The following JAML variants were observed in gnomAD, a reference collection of about 807,000 sequenced individuals.
The protein encoded by JAML is junction adhesion molecule like, also known as junctional adhesion molecule-like.
Under a neutral mutation model 39.3 loss-of-function variants are expected in JAML, and 25 were observed. The observed-to-expected ratio is 0.64, with a 90% CI of 0.46 to 0.89. The LOEUF (loss-of-function observed/expected upper bound fraction) is 0.89. Ranked by LOEUF, JAML falls within the 40% of genes least tolerant of loss-of-function variation. The probability of loss-of-function intolerance (pLI) is 0.00; values close to 1 mark genes in which losing one functional copy is unlikely to be tolerated. For synonymous variants in JAML, 162 were observed against 179.2 expected (o/e 0.90, Z 0.77); for missense variants, 440 against 486.9 (o/e 0.90, Z 0.91).
intron 4 of JAML, among the ~76,000 whole-genome samples, chr11:118,207,995 C>T (rs1392684397): frequency 6.6e-6 from 1 of 152,156 alleles, no homozygotes; most frequent in East Asian, 1.9e-4. Flanking sequence ...TTTGGAGAGG[C>T]TGAGACAGGA....
At position 118,205,110 on chromosome 11, in the gene JAML, C is replaced by T. The variant is rs191976691; in HGVS notation, c.534+772G>A. On this transcript the variant is annotated intron_variant, in intron 5 of 9. Transcript: ENST00000356289. ...TTCCCCATACTCCATCATGATGTCACCCACTGTGACCCACTCAGATAGCAT... is the reference window on the plus strand; with the variant it reads ...TTCCCCATACTCCATCATGATGTCATCCACTGTGACCCACTCAGATAGCAT... The T allele has an allele frequency of 1.8e-3, 277 of 152,310 alleles. 1 individual carries two copies. Among genetic ancestry groups the T allele is most frequent in the African/African-American group, 6.4e-3 (265 of 41,558 alleles). The allele number at this position is 152,310 out of a possible 1,614,324, so 9.4% of individuals were successfully genotyped here.
rs377613296 is a variant in JAML, at chr11:118,203,897, G to A, written c.535-232C>T. On this transcript the variant is annotated intron_variant, in intron 5 of 9. Transcript: ENST00000356289. ...AACAGTTTTTCCATCTGAATGGAGGGATAAGAAAAGGAGGACTTTCATTTT... is the reference window on the plus strand; with the variant it reads ...AACAGTTTTTCCATCTGAATGGAGGAATAAGAAAAGGAGGACTTTCATTTT... 44 of 485,400 alleles carry A rather than the reference G, an allele frequency of 9.1e-5. 1 individual carries two copies. The East Asian group carries it at 1.1e-3, about 12-fold the overall frequency. 30.1% of individuals were successfully genotyped at this position (485,400 alleles called of 1,614,324 possible).
In JAML at chr11:118,203,430, C is replaced by G; in HGVS notation, c.770G>C (p.Arg257Pro). The G allele has an allele frequency of 1.2e-6, 2 of 1,613,648 alleles. No individual in the cohort carries two copies. Among genetic ancestry groups the G allele is most frequent in the Non-Finnish European group, 1.7e-6 (2 of 1,179,632 alleles). The stretch of plus-strand genomic sequence containing the variant: ...CTCCCCAGCCAAATGTTAGATACTT[C>G]GAGGCTCTTCCGGGCTGACATGCAG... ...IVLHVSPEEP[R>P]TLVTPAALRP... Residue 257 changes from arginine to proline, a missense_variant and splice_region_variant, in exon 6 of 10, where the codon CGA (arginine) becomes CCA (proline). Transcript: ENST00000356289.
Position 118,203,511 on chromosome 11 carries a change from C to A in JAML, c.689G>T (p.Gly230Val). The change falls in exon 6 of 10, where the codon GGA becomes GTA. Residue 230 changes from glycine to valine, a missense_variant. Physicochemically the swap from Gly to Val is moderately radical, Grantham distance 109 (BLOSUM62 -3). Transcript: ENST00000356289. The stretch of plus-strand genomic sequence containing the variant: ...TAGGTGGATACTGCAGGTGTAGTTT[C>A]CTCCATCTGACTCCCTCACTCCTTG... ...MLQGVRESDGGNYTCSIHLGN... is the reference protein window; with the variant it reads ...MLQGVRESDGVNYTCSIHLGN... 1 of 1,614,148 alleles carries A rather than the reference C, an allele frequency of 6.2e-7. No individual in the cohort carries two copies. Among genetic ancestry groups the A allele is most frequent in the Non-Finnish European group, 8.5e-7 (1 of 1,180,024 alleles).
chr11:118,220,411 C>A (rs930523670), intron 1 of JAML, among the ~76,000 whole-genome samples: 1 of 152,194 alleles, frequency 6.6e-6, no homozygotes, highest in African/African-American at 2.4e-5. Context: ...CGGACATTAG[C>A]CCCCAGAGGT....
intron 5 of JAML, 167 bp from the exon 6 acceptor site, chr11:118,203,832 T>C (rs1948864818): frequency 3.2e-6 from 2 of 619,520 alleles, no homozygotes; most frequent in Non-Finnish European, 5.8e-6. Flanking sequence ...CACACACATG[T>C]GCATGCGTGT....
At chr11:118,200,428 T>C in intron 7 of JAML, 46 bp downstream of exon 7, 1 of 1,608,818 alleles carries the variant, frequency 6.2e-7, no homozygotes, top group South Asian at 1.1e-5. Context: ...AGAGGCAGCC[T>C]TGCACCCCCA....
chr11:118,204,816 A>T (rs1948883695), intron 5 of JAML: 2 of 152,222 alleles, frequency 1.3e-5, no homozygotes, highest in South Asian at 4.1e-4. Flanking sequence ...TTCTTCATAT[A>T]GCAGATTCTT....
chr11:118,218,807 TA>T (rs112929836), intron 1 of JAML, among the ~76,000 whole-genome samples: 13,751 of 152,104 alleles, frequency 0.09, 2,085 homozygotes, highest in African/African-American at 0.31. Flanking sequence ...ATTTCAGTTT[TA>T]AAAAAAATCC....
At chr11:118,212,253 C>T (rs528540074) in intron 3 of JAML, among the ~76,000 whole-genome samples, 154 bp downstream of exon 3, 2 of 152,186 alleles carry the variant, frequency 1.3e-5, no homozygotes, top group African/African-American at 2.4e-5. Flanking sequence ...TAACCAAATT[C>T]CTGAGCTAGG....
At chr11:118,217,213 T>C (rs1347256813) in intron 1 of JAML, among the ~76,000 whole-genome samples, 1 of 152,230 alleles carries the variant, frequency 6.6e-6, no homozygotes, top group African/African-American at 2.4e-5. Context: ...TGGCATATAC[T>C]GGATAAATGC....
intron 9 of JAML, 56 bp from the exon 10 acceptor site, chr11:118,194,473 T>C: frequency 7.1e-7 from 1 of 1,411,226 alleles, no homozygotes; most frequent in Non-Finnish European, 1.0e-6. Flanking sequence ...AGTTCCATAA[T>C]CATAGCAGCT....
rs1404068140 is a variant in JAML, at chr11:118,194,267, G to A, written c.*58C>T. Reference sequence around the variant, plus strand: ...CTGAAATCACTGGTAGAGTGGCCCAGGACACACACAGGAGAGAGTCTCCAC... The same window carrying A: ...CTGAAATCACTGGTAGAGTGGCCCAAGACACACACAGGAGAGAGTCTCCAC... On this transcript the variant is annotated 3_prime_UTR_variant, in exon 10 of 10. Transcript: ENST00000356289. 3.4e-6 allele frequency: 5 copies of A among 1,461,558 alleles called. No individual in the cohort carries two copies. The highest frequency in any genetic ancestry group is 4.8e-6 in the Non-Finnish European group (5 of 1,042,118). 90.5% of individuals were successfully genotyped at this position (1,461,558 alleles called of 1,614,324 possible). A position where few individuals can be genotyped will look rare whatever the true frequency, so the allele number is the denominator to read the frequency against.
At chr11:118,207,995 C>G (rs1392684397) in intron 4 of JAML, among the ~76,000 whole-genome samples, 1 of 152,156 alleles carries the variant, frequency 6.6e-6, no homozygotes, top group Non-Finnish European at 1.5e-5. Flanking sequence ...TTTGGAGAGG[C>G]TGAGACAGGA....
chr11:118,216,352 G>C (rs181368766), intron 1 of JAML, among the ~76,000 whole-genome samples: 323 of 147,192 alleles, frequency 2.2e-3, no homozygotes, highest in Middle Eastern at 3.5e-3. Flanking sequence ...CTGGGCGACA[G>C]AGCGAGACTC....
rs1316080879 is a variant in JAML at position 118,205,956 on chromosome 11, C to G, written c.460G>C (p.Gly154Arg). 6.2e-7 allele frequency: 1 copy of G among 1,614,082 alleles called. No homozygotes were observed. The highest frequency in any genetic ancestry group is 1.1e-5 in the South Asian group (1 of 91,078). Reference protein sequence around the residue: ...MVHVGGLIQMGCVFQSTEVKH... With the variant: ...MVHVGGLIQMRCVFQSTEVKH... ...ACTTCTGTGCTCTGGAAAACACATCCCATCTGAATCAATCCACCCACATGG... is the reference window on the plus strand; with the variant it reads ...ACTTCTGTGCTCTGGAAAACACATCGCATCTGAATCAATCCACCCACATGG... The change falls in exon 5 of 10, where the codon GGA becomes CGA. Residue 154 changes from glycine to arginine, a missense_variant. Transcript: ENST00000356289.
intron 1 of JAML, among the ~76,000 whole-genome samples, chr11:118,221,623 C>T (rs968047957): frequency 6.6e-6 from 1 of 152,186 alleles, no homozygotes; most frequent in Non-Finnish European, 1.5e-5. Flanking sequence ...CTGAGCGGTT[C>T]GGTTCCCAAC....
In JAML at chr11:118,196,755, C is replaced by G. The variant is rs777112471; in HGVS notation, c.1072G>C (p.Glu358Gln). 3 of 1,612,394 alleles carry G rather than the reference C, an allele frequency of 1.9e-6. No homozygotes were observed. The highest frequency in any genetic ancestry group is 2.5e-6 in the Non-Finnish European group (3 of 1,178,536). Residue 358 changes from glutamate to glutamine, a missense_variant, in exon 9 of 10, where the codon GAG becomes CAG. By Grantham distance (29) the Glu-to-Gln change is conservative (BLOSUM62 2). Coordinates refer to ENST00000356289, the MANE Select transcript of JAML (RefSeq NM_001098526.2). Reference protein sequence around the residue: ...IEEEEPSEKSEATYMTMHPVW... With the variant: ...IEEEEPSEKSQATYMTMHPVW... ...CTCACCATGGTCATGTAGGTGGCCT[C>G]TGATTTTTCACTTGGTTCTTCTTCC...
chr11:118,207,981 GCAATTT>G (rs1948953296), intron 4 of JAML, among the ~76,000 whole-genome samples: 1 of 152,192 alleles, frequency 6.6e-6, no homozygotes. Context: ...TGTAATACCA[GCAATTT>G]GGAGAGGCTG....
Sources: gnomAD v4.1 joint callset for allele counts (sites outside exome capture counted in the v4.1 genomes callset) on GRCh38, gnomAD v4.1.1 for gene constraint, MANE v1.5 for transcripts, NCBI Gene and HGNC (gene_info 2026-07-23, HGNC 2026-07-21) for gene names.